The following UBE3C variants were observed in gnomAD, a reference collection of about 807,000 sequenced individuals.
UBE3C encodes ubiquitin-protein ligase E3C.
In UBE3C, 42 loss-of-function variants were observed where a neutral mutation model predicts 129.4. That is an observed-to-expected ratio of 0.32 (90% CI 0.25 to 0.42). UBE3C has a LOEUF of 0.42. Ranked by LOEUF, UBE3C falls within the 10% of genes least tolerant of loss-of-function variation. UBE3C has a pLI of 1.00. For synonymous variants in UBE3C, 510 were observed against 492.4 expected, an observed-to-expected ratio of 1.04 and a Z score of -0.47; for missense variants, 1,049 against 1,319.1, an observed-to-expected ratio of 0.80 and a Z score of 3.17.
intron 10 of UBE3C, chr7:157,197,638 C>T: frequency 6.2e-7 from 1 of 1,608,274 alleles, no homozygotes; most frequent in East Asian, 2.2e-5. Context: ...TTAAGAATAT[C>T]TGCTTCTAGC....
At position 157,228,093 on chromosome 7, in the gene UBE3C, T is replaced by TATGTTA. The variant is rs1795927254; in HGVS notation, c.2233+2556_2233+2557insGTTAAT. ...TTTACATATAATCAACTAATGTGATTATTCCACGTGTCATCTAGTCATTGA... is the reference window on the plus strand; with the variant it reads ...TTTACATATAATCAACTAATGTGATTATGTTAATTCCACGTGTCATCTAGTCATTGA... On this transcript the variant is annotated intron_variant, in intron 17 of 22. Transcript: ENST00000348165. Among the ~76,000 whole-genome samples the TATGTTA allele has an allele frequency of 3.9e-5, 6 of 152,388 alleles. No homozygotes were observed. In the South Asian group the frequency reaches 1.2e-3, roughly 32 times the overall value.
intron 13 of UBE3C, among the ~76,000 whole-genome samples, chr7:157,210,025 A>G (rs1434407383): frequency 6.6e-6 from 1 of 152,186 alleles, no homozygotes; most frequent in Non-Finnish European, 1.5e-5. Flanking sequence ...CTAAAGATAC[A>G]AAAAATTAGC....
At position 157,184,058 on chromosome 7, in the gene UBE3C, C is replaced by T. The variant is rs765339316; in HGVS notation, c.1143+29C>T. On this transcript the variant is annotated intron_variant, in intron 9 of 22. Transcript: ENST00000348165. ...AGCCCCGTGCCCTGCATCTGGGGGG[C>T]TGCGATGCAGGCAGCCCCGTCGGAT... 6 of 1,607,790 alleles carry T rather than the reference C, an allele frequency of 3.7e-6. No homozygotes were observed. In the Admixed American group the frequency reaches 8.4e-5, roughly 23 times the overall value.
intron 4 of UBE3C, among the ~76,000 whole-genome samples, 185 bp from the exon 5 acceptor site, chr7:157,174,734 G>C (rs1367419369): frequency 6.6e-6 from 1 of 152,168 alleles, no homozygotes; most frequent in Non-Finnish European, 1.5e-5. Flanking sequence ...GTGAACCACT[G>C]TGCCTGGCTG....
chr7:157,220,423 T>A (rs1795705759), intron 14 of UBE3C, among the ~76,000 whole-genome samples: 1 of 152,250 alleles, frequency 6.6e-6, no homozygotes. Flanking sequence ...TTACTATGTT[T>A]AGATATTATG....
chr7:157,222,203 G>C (rs1400581490), intron 15 of UBE3C: 1 of 152,112 alleles, frequency 6.6e-6, no homozygotes, highest in Non-Finnish European at 1.5e-5. Context: ...TGAATTTTGA[G>C]AGTTATAAAG....
At chr7:157,222,994 T>C in intron 15 of UBE3C, 1 of 373,936 alleles carries the variant, frequency 2.7e-6, no homozygotes, top group South Asian at 2.8e-5. Flanking sequence ...TGAGACGTGC[T>C]AGACAGCTGG....
chr7:157,141,507 T>C (rs1223573612), intron 1 of UBE3C, among the ~76,000 whole-genome samples: 2 of 152,218 alleles, frequency 1.3e-5, no homozygotes, highest in African/African-American at 4.8e-5. Flanking sequence ...GCCCCTATGC[T>C]ACACACCTGG....
intron 1 of UBE3C, among the ~76,000 whole-genome samples, chr7:157,153,699 C>T (rs747004745): frequency 6.6e-6 from 1 of 152,068 alleles, no homozygotes; most frequent in Non-Finnish European, 1.5e-5. Context: ...CAGTCAGTGG[C>T]CTTTTTAAAA....
At chr7:157,211,609 G>A (rs1586692051) in intron 13 of UBE3C, among the ~76,000 whole-genome samples, 1 of 152,178 alleles carries the variant, frequency 6.6e-6, no homozygotes, top group Non-Finnish European at 1.5e-5. Flanking sequence ...TAGCGTTCCA[G>A]TAATGGAACA....
intron 3 of UBE3C, among the ~76,000 whole-genome samples, chr7:157,169,489 C>T (rs1808307199): frequency 6.6e-6 from 1 of 151,886 alleles, no homozygotes; most frequent in Non-Finnish European, 1.5e-5. Context: ...AATTCTACTG[C>T]CTCAGCCTCC....
chr7:157,164,272 C>T (rs1808154038), intron 2 of UBE3C: 1 of 448,250 alleles, frequency 2.2e-6, no homozygotes, highest in Non-Finnish European at 4.5e-6. Flanking sequence ...GATCTTCCTG[C>T]TCTAGCCTCC....
At chr7:157,156,119 G>A (rs1807895980) in intron 1 of UBE3C, among the ~76,000 whole-genome samples, 1 of 152,056 alleles carries the variant, frequency 6.6e-6, no homozygotes, top group Admixed American at 6.6e-5. Flanking sequence ...CAGCCACTCA[G>A]TGGTGAACTT....
chr7:157,195,706 T>C (rs894044071), intron 10 of UBE3C, among the ~76,000 whole-genome samples: 5 of 152,206 alleles, frequency 3.3e-5, no homozygotes, highest in African/African-American at 1.2e-4. Context: ...CAAATTTAGA[T>C]GGCTTTAGTG....
intron 19 of UBE3C, among the ~76,000 whole-genome samples, chr7:157,249,384 C>T (rs951883304): frequency 1.3e-5 from 2 of 151,900 alleles, no homozygotes; most frequent in African/African-American, 2.4e-5. Context: ...GGCGCAATCT[C>T]GGCTCACCAC....
chr7:157,234,785 G>A (rs371022412), intron 18 of UBE3C, among the ~76,000 whole-genome samples: 8 of 152,140 alleles, frequency 5.3e-5, no homozygotes, highest in African/African-American at 1.7e-4. Flanking sequence ...TTGTGAGTTG[G>A]CTTTGGTGGC....
intron 18 of UBE3C, among the ~76,000 whole-genome samples, chr7:157,244,706 C>T (rs996398571): frequency 6.6e-6 from 1 of 152,146 alleles, no homozygotes; most frequent in African/African-American, 2.4e-5. Flanking sequence ...GCATTAATTG[C>T]GTCGCGACTG....
Position 157,216,862 on chromosome 7 carries a change from T to C in UBE3C, c.1810-5T>C, listed in dbSNP as rs748928101. 2 of 1,612,812 alleles carry C rather than the reference T, an allele frequency of 1.2e-6. No individual in the cohort carries two copies. The highest frequency in any genetic ancestry group is 2.7e-5 in the African/African-American group (2 of 74,894). On this transcript the variant is annotated splice_region_variant and splice_polypyrimidine_tract_variant and intron_variant, in intron 13 of 22. Transcript: ENST00000348165. ...GTGTGACGCGGATATGTTCTTTCTT[T>C]TCAGGTTATCACCAATCTAGTGAAA... is the stretch of plus-strand genomic sequence containing the variant.
intron 13 of UBE3C, 49 bp from the exon 14 acceptor site, chr7:157,216,818 T>C: frequency 6.9e-7 from 1 of 1,439,992 alleles, no homozygotes; most frequent in African/African-American, 1.4e-5. Flanking sequence ...CACTGTGCAT[T>C]GTGCTGCCGA....
Sources: gnomAD v4.1 joint callset for allele counts (sites outside exome capture counted in the v4.1 genomes callset) on GRCh38, gnomAD v4.1.1 for gene constraint, MANE v1.5 for transcripts, NCBI Gene and HGNC (gene_info 2026-07-23, HGNC 2026-07-21) for gene names.